The following DHX58 variants were observed in gnomAD, a reference collection of about 807,000 sequenced individuals.
DHX58 encodes ATP-dependent RNA helicase DHX58.
Under a neutral mutation model 65.0 loss-of-function variants are expected in DHX58, and 51 were observed. The ratio of observed to expected loss-of-function variants is 0.78; its 90% CI spans 0.63 to 0.99. The LOEUF is 0.99. Among genes scored for constraint, DHX58 ranks in the 50% least tolerant of loss-of-function variants. The pLI is 0.00. For synonymous variants in DHX58, 350 were observed against 365.0 expected (o/e 0.96, Z 0.47); for missense variants, 773 against 891.8 (o/e 0.87, Z 1.70).
Position 42,112,522 on chromosome 17 carries a change from G to T in DHX58, c.-95+83C>A, listed in dbSNP as rs529304959. The T allele has an allele frequency of 3.6e-3, 543 of 151,184 alleles. 3 individuals are homozygous for T. The highest frequency in any genetic ancestry group is 5.2e-3 in the Non-Finnish European group (351 of 68,100). 9.4% of individuals were successfully genotyped at this position (151,184 alleles called of 1,614,324 possible). A position where few individuals can be genotyped will look rare whatever the true frequency, so the allele number is the denominator to read the frequency against. On this transcript the variant is annotated intron_variant, in intron 1 of 13. Coordinates refer to ENST00000251642, the MANE Select transcript of DHX58 (RefSeq NM_024119.3). Reference sequence around the variant, plus strand: ...CCACCCCACTTGAGGGAGGTGGGGGGGGGGACACCCTCAAAACTCATCAGA... The same window carrying T: ...CCACCCCACTTGAGGGAGGTGGGGGTGGGGACACCCTCAAAACTCATCAGA...
At chr17:42,109,473 G>A in intron 5 of DHX58, 87 bp from the exon 6 acceptor site, 1 of 1,129,594 alleles carries the variant, frequency 8.9e-7, no homozygotes, top group Non-Finnish European at 1.3e-6. Context: ...CCCAGCTGAG[G>A]ACAGGAGAAT....
intron 11 of DHX58, among the ~76,000 whole-genome samples, 197 bp downstream of exon 11, chr17:42,104,569 C>T (rs1337685497): frequency 6.6e-6 from 1 of 152,202 alleles, no homozygotes; most frequent in Admixed American, 6.5e-5. Context: ...AGGCCTGTTC[C>T]CAAGGCCTTC....
At position 42,110,818 on chromosome 17, in the gene DHX58, T is replaced by G; in HGVS notation, c.466A>C (p.Arg156=). The G allele has an allele frequency of 6.2e-7, 1 of 1,614,004 alleles. No homozygotes were observed. The highest frequency in any genetic ancestry group is 8.5e-7 in the Non-Finnish European group (1 of 1,179,950). ...AGCACCTGGGGTAGCGGCTGTGCCC[T>G]CTGGAGTTTAAGTTCTAGGTACTGG... ...MSQYLELKLQ[R]AQPLPQVLGL... Residue 156 remains arginine, a synonymous_variant, in exon 5 of 14, where the codon AGG becomes CGG. Coordinates refer to ENST00000251642, the MANE Select transcript of DHX58 (RefSeq NM_024119.3).
intron 9 of DHX58, 145 bp from the exon 10 acceptor site, chr17:42,105,312 C>T: frequency 9.3e-7 from 1 of 1,077,424 alleles, no homozygotes; most frequent in Non-Finnish European, 1.3e-6. Flanking sequence ...CCATCTTTAT[C>T]CCCAGGTACC....
chr17:42,104,994 C>T, intron 10 of DHX58, 24 bp downstream of exon 10: 1 of 1,611,988 alleles, frequency 6.2e-7, no homozygotes, highest in Non-Finnish European at 8.5e-7. Context: ...ATAAGGGCGG[C>T]TGAGTGGAGG....
At chr17:42,112,056 A>G in intron 2 of DHX58, 57 bp downstream of exon 2, 2 of 868,962 alleles carry the variant, frequency 2.3e-6, no homozygotes, top group Non-Finnish European at 1.7e-6. Flanking sequence ...TCTGCCCAAA[A>G]GGGGGAGGCG....
At position 42,107,979 on chromosome 17, in the gene DHX58, C is replaced by T; in HGVS notation, c.805+3G>A. On this transcript the variant is annotated splice_donor_region_variant and intron_variant, in intron 7 of 13. Coordinates refer to ENST00000251642, the MANE Select transcript of DHX58 (RefSeq NM_024119.3). ...CCTCCGCCAGAAGGGCTGCCCCTCT[C>T]ACCAGCCTCACTCAGCTTCACCACC... The T allele has an allele frequency of 6.2e-7, 1 of 1,614,164 alleles. No homozygotes were observed. Among genetic ancestry groups the T allele is most frequent in the Non-Finnish European group, 8.5e-7 (1 of 1,180,028 alleles).
chr17:42,106,695 G>A (rs1027566597), intron 8 of DHX58, among the ~76,000 whole-genome samples: 1 of 128,402 alleles, frequency 7.8e-6, no homozygotes, highest in Admixed American at 7.3e-5. Context: ...AGCTACTCGG[G>A]AGGCTGAGGC....
intron 6 of DHX58, among the ~76,000 whole-genome samples, chr17:42,108,665 C>A (rs1436787484): frequency 3.3e-5 from 5 of 152,234 alleles, no homozygotes; most frequent in Admixed American, 3.3e-4. Flanking sequence ...AAGCTGCTGA[C>A]CCTGACAGAG....
In DHX58 at chr17:42,107,843, T is replaced by C. The variant is rs782340142; in HGVS notation, c.806-48A>G. ...CTGAGCAGCCCACAGCCCCGCCCCC[T>C]GCCCTGCCCCATAGGGCCGTCCCAC... On this transcript the variant is annotated intron_variant, in intron 7 of 13. Transcript: ENST00000251642. The C allele has an allele frequency of 7.2e-6, 11 of 1,531,216 alleles. No homozygotes were observed. The African/African-American group carries it at 1.5e-4, about 21-fold the overall frequency. The allele number at this position is 1,531,216 out of a possible 1,614,324, so 94.9% of individuals were successfully genotyped here. A position where few individuals can be genotyped will look rare whatever the true frequency, so the allele number is the denominator to read the frequency against.
In DHX58 at chr17:42,111,741, A is replaced by T; in HGVS notation, c.152T>A (p.Val51Asp). Residue 51 changes from valine (V) to aspartate (D), a missense_variant, in exon 3 of 14, where the codon GTT (valine) becomes GAT (aspartate). Val to Asp is a radical substitution (Grantham distance 152, BLOSUM62 -3). Transcript: ENST00000251642. ...HLETVDGAKV[V>D]VLVNRVHLVT... ...ACCACTCACCCTGTTGACCAATACA[A>T]CCACCTTGGCTCCATCCACAGTCTC... The T allele has an allele frequency of 1.2e-6, 2 of 1,611,936 alleles. No individual in the cohort carries two copies. The highest frequency in any genetic ancestry group is 1.7e-6 in the Non-Finnish European group (2 of 1,178,462).
chr17:42,107,839 C>CCCCTG (rs782777864), intron 7 of DHX58, 44 bp from the exon 8 acceptor site: 4 of 1,536,596 alleles, frequency 2.6e-6, no homozygotes, highest in Admixed American at 4.0e-5. Flanking sequence ...ACAGCCCCGC[C>CCCCTG]CCCTGCCCTG....
chr17:42,111,192 C>T lies in DHX58; in HGVS notation c.370+104G>A, dbSNP rs909344164. The T allele has an allele frequency of 9.1e-6, 13 of 1,427,300 alleles. No individual in the cohort carries two copies. The Admixed American group carries it at 2.6e-4, about 29-fold the overall frequency. 88.4% of individuals were successfully genotyped at this position (1,427,300 alleles called of 1,614,324 possible). On this transcript the variant is annotated intron_variant, in intron 4 of 13. Coordinates refer to ENST00000251642, the MANE Select transcript of DHX58 (RefSeq NM_024119.3). ...GGTTTTGTGAACAGGCAACCCCTCA[C>T]TCCCACTAAAACTCCCAACACCTTG...
chr17:42,104,889 C>T lies in DHX58; in HGVS notation c.1440G>A (p.Ala480=), dbSNP rs782142442. 1.9e-5 allele frequency: 31 copies of T among 1,614,142 alleles called. No individual in the cohort carries two copies. The highest frequency in any genetic ancestry group is 1.6e-4 in the Middle Eastern group (1 of 6,062). The change falls in exon 11 of 14, where the codon GCG becomes GCA. Residue 480 remains alanine, a synonymous_variant. Coordinates refer to ENST00000251642, the MANE Select transcript of DHX58 (RefSeq NM_024119.3). The stretch of plus-strand genomic sequence containing the variant: ...CCCGGCTACCTTCAGTTGCTACAAA[C>T]GCGTATACACTCTGATCGGCCCGGG... ...GRARADQSVY[A]FVATEGSREL...
At chr17:42,110,677 T>C (rs782353590) in intron 5 of DHX58, 46 bp downstream of exon 5, 4 of 1,529,192 alleles carry the variant, frequency 2.6e-6, no homozygotes, top group Non-Finnish European at 2.6e-6. Flanking sequence ...GGGAGGGAAG[T>C]CCCTGGTGGG....
chr17:42,104,511 A>C (rs534141508), intron 11 of DHX58, among the ~76,000 whole-genome samples: 1 of 152,274 alleles, frequency 6.6e-6, no homozygotes, highest in South Asian at 2.1e-4. Flanking sequence ...CAGCTCTTCC[A>C]GATACATAAA....
In DHX58 at chr17:42,111,449, C is replaced by T. The variant is rs782026491; in HGVS notation, c.217G>A (p.Gly73Arg). 2 of 1,614,208 alleles carry T rather than the reference C, an allele frequency of 1.2e-6. No homozygotes were observed. Among genetic ancestry groups the T allele is most frequent in the Non-Finnish European group, 1.7e-6 (2 of 1,180,036 alleles). ...HGEEFRRMLD[G>R]RWTVTTLSGD... ...CTCAGGGTTGTCACGGTCCAGCGTC[C>T]ATCCAGCATGCGCCTGAACTCTTCA... Residue 73 changes from glycine (G) to arginine (R), a missense_variant, in exon 4 of 14, where the codon GGA (glycine) becomes AGA (arginine). Gly to Arg is a moderately radical substitution (Grantham distance 125, BLOSUM62 -2). Transcript: ENST00000251642.
At chr17:42,110,130 G>A (rs1416969305) in intron 5 of DHX58, among the ~76,000 whole-genome samples, 5 of 150,642 alleles carry the variant, frequency 3.3e-5, no homozygotes, top group African/African-American at 1.2e-4. Flanking sequence ...GAGGTTGCAG[G>A]GAGCCGAAAT....
intron 4 of DHX58, 138 bp downstream of exon 4, chr17:42,111,158 G>T: frequency 9.0e-7 from 1 of 1,107,832 alleles, no homozygotes; most frequent in Non-Finnish European, 1.3e-6. Flanking sequence ...CTACTAGAGT[G>T]CCTGCAGGGG....
Sources: gnomAD v4.1 joint callset for allele counts (sites outside exome capture counted in the v4.1 genomes callset) on GRCh38, gnomAD v4.1.1 for gene constraint, MANE v1.5 for transcripts, NCBI Gene and HGNC (gene_info 2026-07-23, HGNC 2026-07-21) for gene names.